Variants in WDR93 observed in about 807,000 individuals in gnomAD.
The protein encoded by WDR93 is WD repeat-containing protein 93.
WDR93 carries 73 observed loss-of-function variants against 82.9 expected under a neutral mutation model. The ratio of observed to expected loss-of-function variants is 0.88; its 90% CI spans 0.73 to 1.07. The LOEUF (loss-of-function observed/expected upper bound fraction) is 1.07, where lower values mean the gene tolerates loss of function less well. Among genes scored for constraint, WDR93 ranks in the 50% least tolerant of loss-of-function variants. The pLI is 0.00. For synonymous variants in WDR93, 283 were observed against 300.1 expected (o/e 0.94, Z 0.59); for missense variants, 738 against 826.0 (o/e 0.89, Z 1.31).
rs766245995 is a variant in WDR93, at chr15:89,729,672, C to T, written c.1124-11C>T. On this transcript the variant is annotated splice_polypyrimidine_tract_variant and intron_variant, in intron 10 of 16. Transcript: ENST00000268130. Reference sequence around the variant, plus strand: ...CACCCATTTTCTGTCTTTCCCCCGCCCCCCCACCAGGAATGGCCTGTGTCC... The same window carrying T: ...CACCCATTTTCTGTCTTTCCCCCGCTCCCCCACCAGGAATGGCCTGTGTCC... 1 of 1,610,642 alleles carries T rather than the reference C, an allele frequency of 6.2e-7. No individual in the cohort carries two copies. Among genetic ancestry groups the T allele is most frequent in the Non-Finnish European group, 8.5e-7 (1 of 1,178,242 alleles).
intron 4 of WDR93, among the ~76,000 whole-genome samples, chr15:89,711,520 A>T: frequency 9.8e-6 from 1 of 101,858 alleles, no homozygotes; most frequent in African/African-American, 4.2e-5. Context: ...AAAATTAGCG[A>T]GTCTCAAAAA....
chr15:89,735,060 T>C (rs1031515706), intron 13 of WDR93, among the ~76,000 whole-genome samples: 2 of 148,044 alleles, frequency 1.4e-5, no homozygotes, highest in Admixed American at 1.4e-4. Context: ...TTGTTTGGTT[T>C]TGTTTGAGAC....
intron 3 of WDR93, chr15:89,703,656 C>T (rs1489324703): frequency 6.5e-6 from 1 of 153,878 alleles, no homozygotes. Flanking sequence ...TCTAGCCTGT[C>T]CTTATGTTTG....
At chr15:89,730,875 C>G (rs1299752703) in intron 11 of WDR93, among the ~76,000 whole-genome samples, 2 of 151,644 alleles carry the variant, frequency 1.3e-5, no homozygotes, top group Non-Finnish European at 2.9e-5. Flanking sequence ...GACAGTGAGG[C>G]CCTGTCTCAA....
chr15:89,723,205 T>TAAAC (rs1425175370), intron 8 of WDR93, among the ~76,000 whole-genome samples: 1 of 148,134 alleles, frequency 6.8e-6, no homozygotes, highest in African/African-American at 2.5e-5. Context: ...GCGTCATAAA[T>TAAAC]AAATAAATAA....
intron 1 of WDR93, among the ~76,000 whole-genome samples, chr15:89,698,071 G>A (rs2882424): frequency 0.44 from 65,944 of 150,800 alleles, 14,884 homozygotes; most frequent in African/African-American, 0.5. Context: ...ATTTTAGTAG[G>A]GACAGGGTCT....
At chr15:89,737,892 C>A in intron 15 of WDR93, 149 bp from the exon 16 acceptor site, 1 of 1,303,918 alleles carries the variant, frequency 7.7e-7, no homozygotes, top group Non-Finnish European at 1.1e-6. Context: ...AGATAAAATG[C>A]CAGCAGGGTC....
At chr15:89,719,324 G>A (rs1267435982) in intron 7 of WDR93, among the ~76,000 whole-genome samples, 1 of 152,210 alleles carries the variant, frequency 6.6e-6, no homozygotes, top group African/African-American at 2.4e-5. Flanking sequence ...ATGTTAGGTA[G>A]ACTTTACTAA....
intron 8 of WDR93, among the ~76,000 whole-genome samples, chr15:89,724,938 A>G (rs913792393): frequency 6.6e-6 from 1 of 152,232 alleles, no homozygotes; most frequent in African/African-American, 2.4e-5. Context: ...TTTGTGTCCT[A>G]TGACACAGTA....
intron 4 of WDR93, among the ~76,000 whole-genome samples, chr15:89,711,708 A>C (rs76127468): frequency 0.01 from 1,586 of 152,294 alleles, 23 homozygotes; most frequent in Non-Finnish European, 0.012. Flanking sequence ...TTAGTTGAAT[A>C]ATTGGATGCC....
At chr15:89,742,776 G>A (rs372708786) in intron 16 of WDR93, among the ~76,000 whole-genome samples, 6 of 151,964 alleles carry the variant, frequency 3.9e-5, no homozygotes, top group East Asian at 1.9e-4. Flanking sequence ...CAGGTGATCC[G>A]CCTGCCTTGG....
At chr15:89,738,265 C>T (rs752828651) in intron 16 of WDR93, 29 bp downstream of exon 16, 5 of 1,552,686 alleles carry the variant, frequency 3.2e-6, no homozygotes, top group Non-Finnish European at 4.3e-6. Context: ...TCACCCCCTC[C>T]CACATCTGAG....
rs768268117 is a variant in WDR93 at position 89,703,158 on chromosome 15, T to A, written c.496+16T>A. On this transcript the variant is annotated intron_variant, in intron 3 of 16. Transcript: ENST00000268130. The stretch of plus-strand genomic sequence containing the variant: ...GATGAAATGGGTATTGTTCTTCATC[T>A]TCCTTTTTAGCCTCATTTACAGGTA... 6 of 1,613,910 alleles carry A rather than the reference T, an allele frequency of 3.7e-6. No individual in the cohort carries two copies. The East Asian group carries it at 1.3e-4, about 36-fold the overall frequency.
Position 89,710,391 on chromosome 15 carries a change from G to A in WDR93, c.562-1635G>A, listed in dbSNP as rs184881583. On this transcript the variant is annotated intron_variant, in intron 4 of 16. Coordinates refer to ENST00000268130, the MANE Select transcript of WDR93 (RefSeq NM_020212.2). ...ACTTAAGAACAGGCGAAATTTATCT[G>A]TGTTAGCGATGGAAAGCAGAACATT... is the stretch of plus-strand genomic sequence containing the variant. Among the ~76,000 whole-genome samples, 1,158 of 152,248 alleles carry A rather than the reference G, an allele frequency of 7.6e-3. 16 individuals carry two copies. The highest frequency in any genetic ancestry group is 0.027 in the African/African-American group (1,111 of 41,536).
At position 89,727,147 on chromosome 15, in the gene WDR93, T is replaced by G; in HGVS notation, c.881-10T>G. 2 of 1,612,074 alleles carry G rather than the reference T, an allele frequency of 1.2e-6. No individual in the cohort carries two copies. Among genetic ancestry groups the G allele is most frequent in the Non-Finnish European group, 1.7e-6 (2 of 1,178,766 alleles). On this transcript the variant is annotated splice_polypyrimidine_tract_variant and intron_variant, in intron 8 of 16. Coordinates refer to ENST00000268130, the MANE Select transcript of WDR93 (RefSeq NM_020212.2). ...ATGGCTTGACTAATTCTGTAATATTTTCAACCTAGGCACCACATTCAAAAG... is the reference window on the plus strand; with the variant it reads ...ATGGCTTGACTAATTCTGTAATATTGTCAACCTAGGCACCACATTCAAAAG...
intron 16 of WDR93, among the ~76,000 whole-genome samples, chr15:89,742,483 C>A (rs1967758279): frequency 6.6e-6 from 1 of 152,084 alleles, no homozygotes; most frequent in African/African-American, 2.4e-5. Context: ...TTGGGCTTCT[C>A]TGATTTTTCT....
At position 89,733,126 on chromosome 15, in the gene WDR93, A is replaced by C. The variant is rs1478468253; in HGVS notation, c.1451A>C (p.Gln484Pro). ...NMYPEGQVKS[Q>P]MKCVVLCTDA... ...TATCCTGAAGGTCAAGTGAAATCCC[A>C]AATGAAATGTGTGGTGCTGTGCACA... is the stretch of plus-strand genomic sequence containing the variant. Residue 484 changes from glutamine (Q) to proline (P), a missense_variant, in exon 13 of 17, where the codon CAA becomes CCA. By Grantham distance (76) the Gln-to-Pro change is moderately conservative (BLOSUM62 -1). Coordinates refer to ENST00000268130, the MANE Select transcript of WDR93 (RefSeq NM_020212.2). 14 of 1,614,102 alleles carry C rather than the reference A, an allele frequency of 8.7e-6. No individual in the cohort carries two copies. Among genetic ancestry groups the C allele is most frequent in the Non-Finnish European group, 1.2e-5 (14 of 1,180,044 alleles).
At chr15:89,730,441 C>G (rs1188681748) in intron 11 of WDR93, among the ~76,000 whole-genome samples, 1 of 152,096 alleles carries the variant, frequency 6.6e-6, no homozygotes, top group Non-Finnish European at 1.5e-5. Flanking sequence ...TCGCTTCACA[C>G]CCCAACCCAC....
At chr15:89,738,326 C>G in intron 16 of WDR93, 90 bp downstream of exon 16, 1 of 1,432,750 alleles carries the variant, frequency 7.0e-7, no homozygotes, top group Non-Finnish European at 9.3e-7. Context: ...TAAATCCTTT[C>G]AGCATTGAAA....
Sources: allele counts gnomAD v4.1 joint callset (sites outside exome capture counted in the v4.1 genomes callset), GRCh38; gene constraint gnomAD v4.1.1; transcripts MANE v1.5; gene names NCBI Gene and HGNC (gene_info 2026-07-23, HGNC 2026-07-21).